AGBL1: variants seen among roughly 807,000 people sequenced by gnomAD.
AGBL1 encodes cytosolic carboxypeptidase 4.
AGBL1 carries 130 observed loss-of-function variants against 118.9 expected under a neutral mutation model. That is an observed-to-expected ratio of 1.09 (90% confidence interval 0.95 to 1.26). AGBL1 has a LOEUF of 1.26. AGBL1 is among the 50% of genes most tolerant of loss of function. The pLI is 0.00. For missense variants in AGBL1, 1,584 were observed against 1,298.1 expected (o/e 1.22, Z -3.38); for synonymous variants, 555 against 478.9 (o/e 1.16, Z -2.08).
At chr15:86,523,439 A>G (rs900026447) in intron 19 of AGBL1, among the ~76,000 whole-genome samples, 10 of 152,090 alleles carry the variant, frequency 6.6e-5, no homozygotes, top group African/African-American at 2.2e-4. Context: ...ACCTGCAAAG[A>G]CCCTGTTTCC....
intron 22 of AGBL1, among the ~76,000 whole-genome samples, chr15:86,819,681 G>A (rs2078912293): frequency 6.6e-6 from 1 of 152,024 alleles, no homozygotes. Context: ...TGCTCATGGA[G>A]AGGCAGAATC....
At chr15:87,012,397 A>G (rs1030193272) in intron 24 of AGBL1, among the ~76,000 whole-genome samples, 2 of 152,202 alleles carry the variant, frequency 1.3e-5, no homozygotes, top group African/African-American at 4.8e-5. Context: ...TAAATGTTTA[A>G]GGAAATGTAT....
rs142418781 is a variant in AGBL1, at chr15:86,770,270, C to T, written c.3158+95834C>T. Among the ~76,000 whole-genome samples, 258 of 152,008 alleles carry T rather than the reference C, an allele frequency of 1.7e-3. 2 individuals are homozygous for T. Among genetic ancestry groups the T allele is most frequent in the Non-Finnish European group, 2.8e-3 (188 of 67,916 alleles). On this transcript the variant is annotated intron_variant, in intron 22 of 22. Transcript: ENST00000614907. ...AGCTCACTATCTAGTGGAACAGATA[C>T]ATAAATAACTATCACAGTGCAGTGG...
At chr15:86,785,873 T>C (rs1372471339) in intron 22 of AGBL1, among the ~76,000 whole-genome samples, 4 of 152,238 alleles carry the variant, frequency 2.6e-5, no homozygotes, top group South Asian at 2.1e-4. Context: ...AGCTAGTGTC[T>C]AGTTACAGAA....
chr15:86,427,099 C>T (rs982344901), intron 18 of AGBL1, among the ~76,000 whole-genome samples: 15 of 151,784 alleles, frequency 9.9e-5, no homozygotes, highest in African/African-American at 3.6e-4. Flanking sequence ...ATGGAGATCA[C>T]CTAAAGAAAA....
intron 4 of AGBL1, among the ~76,000 whole-genome samples, chr15:86,157,520 C>G (rs1369371997): frequency 6.6e-6 from 1 of 152,082 alleles, no homozygotes; most frequent in East Asian, 1.9e-4. Flanking sequence ...TGGGATTTTC[C>G]TGTGGGTATG....
chr15:86,751,201 C>A (rs763464298), intron 22 of AGBL1, among the ~76,000 whole-genome samples: 23 of 152,126 alleles, frequency 1.5e-4, no homozygotes, highest in Non-Finnish European at 2.6e-4. Context: ...AATCACCACA[C>A]TGTCTTCCAC....
At chr15:86,782,436 A>G (rs935801813) in intron 22 of AGBL1, among the ~76,000 whole-genome samples, 3 of 152,104 alleles carry the variant, frequency 2.0e-5, no homozygotes, top group African/African-American at 7.2e-5. Flanking sequence ...GGATTTTACT[A>G]TTTCTCATTT....
chr15:86,379,871 C>T (rs77642079), intron 17 of AGBL1, among the ~76,000 whole-genome samples: 194 of 152,282 alleles, frequency 1.3e-3, no homozygotes, highest in African/African-American at 4.4e-3. Flanking sequence ...CTGTGTCTCA[C>T]TTAAAAAACA....
intron 17 of AGBL1, among the ~76,000 whole-genome samples, chr15:86,362,480 C>T (rs892379780): frequency 2.0e-5 from 3 of 152,084 alleles, no homozygotes; most frequent in Admixed American, 6.6e-5. Flanking sequence ...ATTTCTTAAA[C>T]CTAGTCATAG....
intron 18 of AGBL1, among the ~76,000 whole-genome samples, chr15:86,448,851 GAAAA>G (rs912083588): frequency 6.7e-6 from 1 of 149,834 alleles, no homozygotes; most frequent in East Asian, 1.9e-4. Flanking sequence ...TAACTCAAAA[GAAAA>G]AAAAAGGAGA....
chr15:86,661,501 A>G (rs2085539542), intron 21 of AGBL1, among the ~76,000 whole-genome samples: 1 of 151,846 alleles, frequency 6.6e-6, no homozygotes, highest in South Asian at 2.1e-4. Flanking sequence ...AACCCAGTCC[A>G]GTTAGCAGAA....
chr15:86,483,040 G>T (rs2082672262), intron 18 of AGBL1, among the ~76,000 whole-genome samples: 1 of 151,990 alleles, frequency 6.6e-6, no homozygotes, highest in African/African-American at 2.4e-5. Context: ...GCTGAGAGGG[G>T]TGGCTGAATA....
chr15:87,018,313 A>G (rs1490769823), intron 24 of AGBL1, among the ~76,000 whole-genome samples: 1 of 152,136 alleles, frequency 6.6e-6, no homozygotes, highest in Non-Finnish European at 1.5e-5. Flanking sequence ...AAACATAATC[A>G]TCGGATTCTC....
intron 22 of AGBL1, among the ~76,000 whole-genome samples, chr15:86,726,013 A>T (rs920454943): frequency 1.6e-4 from 25 of 152,340 alleles, no homozygotes; most frequent in African/African-American, 5.5e-4. Context: ...ATTTTGTTCA[A>T]CCTTCACCAA....
At chr15:86,458,383 TC>T (rs2082287457) in intron 18 of AGBL1, among the ~76,000 whole-genome samples, 1 of 152,212 alleles carries the variant, frequency 6.6e-6, no homozygotes, top group Non-Finnish European at 1.5e-5. Context: ...AATTAAGCTA[TC>T]CATTTTGCAT....
At chr15:86,893,385 C>G (rs1455105560) in intron 22 of AGBL1, among the ~76,000 whole-genome samples, 2 of 152,182 alleles carry the variant, frequency 1.3e-5, no homozygotes, top group African/African-American at 4.8e-5. Context: ...TCACCATCAA[C>G]ATTAAGGAAT....
chr15:86,707,057 T>A (rs546493949), intron 22 of AGBL1, among the ~76,000 whole-genome samples: 18 of 152,282 alleles, frequency 1.2e-4, no homozygotes, highest in African/African-American at 3.8e-4. Context: ...CTCAACATTC[T>A]GTCCCTGAGC....
chr15:86,456,929 C>T (rs1248579038), intron 18 of AGBL1, among the ~76,000 whole-genome samples: 1 of 152,156 alleles, frequency 6.6e-6, no homozygotes, highest in Admixed American at 6.6e-5. Flanking sequence ...GGATTACCTA[C>T]ATTCTGAAGA....
Sources: gnomAD v4.1 joint callset for allele counts (sites outside exome capture counted in the v4.1 genomes callset) on GRCh38, gnomAD v4.1.1 for gene constraint, MANE v1.5 for transcripts, NCBI Gene and HGNC (gene_info 2026-07-23, HGNC 2026-07-21) for gene names.